DOCK10: variants seen among roughly 807,000 people sequenced by gnomAD.
DOCK10 encodes the protein dedicator of cytokinesis protein 10.
A neutral mutation model predicts 280.1 loss-of-function variants in DOCK10; 145 were observed. The ratio of observed to expected loss-of-function variants is 0.52; its 90% CI spans 0.45 to 0.59. DOCK10 has a LOEUF of 0.59. DOCK10 is among the 20% of genes least tolerant of loss of function. The probability of loss-of-function intolerance (pLI) is 0.00; values close to 1 mark genes in which losing one functional copy is unlikely to be tolerated. For missense variants in DOCK10, 2,368 were observed against 2,651.7 expected, an observed-to-expected ratio of 0.89 and a Z score of 2.35; for synonymous variants, 915 against 942.2, an observed-to-expected ratio of 0.97 and a Z score of 0.53.
At chr2:224,798,049 G>T (rs1036737332) in intron 41 of DOCK10, 80 bp from the exon 42 acceptor site, 1 of 1,416,306 alleles carries the variant, frequency 7.1e-7, no homozygotes, top group Non-Finnish European at 9.7e-7. Flanking sequence ...TTGTGAACCT[G>T]TCATGTGGTA....
intron 50 of DOCK10, among the ~76,000 whole-genome samples, chr2:224,782,169 T>C (rs1691391597): frequency 6.6e-6 from 1 of 152,106 alleles, no homozygotes; most frequent in African/African-American, 2.4e-5. Context: ...TTCCTATAGG[T>C]GGAGAGCTAT....
chr2:224,796,089 T>A, intron 44 of DOCK10, among the ~76,000 whole-genome samples: 1 of 151,858 alleles, frequency 6.6e-6, no homozygotes, highest in East Asian at 1.9e-4. Context: ...GACAAGGTCT[T>A]GCTCTGTTAC....
At chr2:224,771,248 G>A (rs2124954801) in intron 53 of DOCK10, among the ~76,000 whole-genome samples, 1 of 152,248 alleles carries the variant, frequency 6.6e-6, no homozygotes, top group East Asian at 1.9e-4. Context: ...CACGGAATCT[G>A]CTGTTTTCTT....
intron 19 of DOCK10, among the ~76,000 whole-genome samples, chr2:224,847,092 T>TTCTGAATGCAACCAAAACA (rs1696414200): frequency 1.3e-5 from 2 of 152,216 alleles, no homozygotes; most frequent in Non-Finnish European, 2.9e-5. Flanking sequence ...ATACAAATAA[T>TTCTGAATGCAACCAAAACA]GCTTCTGAAT....
At chr2:224,918,878 ATATG>A (rs1394386721) in intron 2 of DOCK10, among the ~76,000 whole-genome samples, 2 of 120,862 alleles carry the variant, frequency 1.7e-5, no homozygotes, top group South Asian at 2.9e-4. Flanking sequence ...GAGTGTGTGT[ATATG>A]TATGTGTGGT....
At chr2:225,016,678 C>T (rs1390738924) in intron 1 of DOCK10, among the ~76,000 whole-genome samples, 3 of 117,132 alleles carry the variant, frequency 2.6e-5, no homozygotes, top group African/African-American at 6.2e-5. Flanking sequence ...TATCTATGTG[C>T]ACATAGATAT....
intron 28 of DOCK10, among the ~76,000 whole-genome samples, chr2:224,820,039 TC>T (rs2125318269): frequency 6.6e-6 from 1 of 152,330 alleles, no homozygotes; most frequent in Non-Finnish European, 1.5e-5. Context: ...GTAAATCTTC[TC>T]CTGTACACAC....
intron 1 of DOCK10, among the ~76,000 whole-genome samples, chr2:224,951,550 A>C (rs1703728562): frequency 6.6e-6 from 1 of 152,234 alleles, no homozygotes; most frequent in South Asian, 2.1e-4. Context: ...TGGGAATTTG[A>C]ATGCTAAAAT....
chr2:224,814,209 G>T, intron 31 of DOCK10, 111 bp downstream of exon 31: 1 of 504,650 alleles, frequency 2.0e-6, no homozygotes, highest in Non-Finnish European at 3.2e-6. Context: ...TTTATCATAT[G>T]ATATTAAATA....
At position 224,849,531 on chromosome 2, in the gene DOCK10, A is replaced by G. The variant is rs1279268695; in HGVS notation, c.2211T>C (p.Ser737=). Residue 737 remains serine (S), a synonymous_variant, in exon 19 of 56, where the codon TCT becomes TCC. Transcript: ENST00000258390. ...CCTCATCTGAGAAATCCGGATTCTGAGAGTGGTGCAGAACTGCTGTGTAGG... is the reference window on the plus strand; with the variant it reads ...CCTCATCTGAGAAATCCGGATTCTGGGAGTGGTGCAGAACTGCTGTGTAGG... The part of the protein sequence containing the change: ...SAAYTAVLHH[S]QNPDFSDEVK... 2 of 1,612,092 alleles carry G rather than the reference A, an allele frequency of 1.2e-6. No homozygotes were observed. The highest frequency in any genetic ancestry group is 2.2e-5 in the East Asian group (1 of 44,840).
chr2:224,911,533 G>T (rs553720074), intron 3 of DOCK10, among the ~76,000 whole-genome samples: 15 of 152,294 alleles, frequency 9.8e-5, no homozygotes, highest in Non-Finnish European at 1.9e-4. Context: ...GAGATTGGGG[G>T]TGAAGGTTCT....
At chr2:224,895,841 G>GTATA (rs71410338) in intron 4 of DOCK10, among the ~76,000 whole-genome samples, 1,366 of 136,106 alleles carry the variant, frequency 0.01, 19 homozygotes, top group East Asian at 0.062. Context: ...GCGTGTGTGT[G>GTATA]TATATATATA....
At chr2:224,835,981 G>A (rs1417343717) in intron 25 of DOCK10, among the ~76,000 whole-genome samples, 7 of 152,182 alleles carry the variant, frequency 4.6e-5, no homozygotes, top group African/African-American at 1.4e-4. Context: ...CTCCAGGAGC[G>A]TCACCGGTAG....
intron 11 of DOCK10, among the ~76,000 whole-genome samples, chr2:224,870,998 T>C (rs1310452345): frequency 6.6e-6 from 1 of 151,934 alleles, no homozygotes; most frequent in Admixed American, 6.6e-5. Flanking sequence ...AGCTAATTTT[T>C]GTATTTTTTG....
At chr2:224,994,105 T>C (rs926419004) in intron 1 of DOCK10, among the ~76,000 whole-genome samples, 1 of 152,200 alleles carries the variant, frequency 6.6e-6, no homozygotes. Context: ...TTGTAATTCA[T>C]TTAATATATA....
At chr2:224,867,402 C>T (rs769157402) in intron 11 of DOCK10, among the ~76,000 whole-genome samples, 5 of 152,212 alleles carry the variant, frequency 3.3e-5, no homozygotes, top group African/African-American at 4.8e-5. Context: ...AACACACCCA[C>T]GACAGGCTGC....
chr2:224,868,249 G>A (rs1359770846), intron 11 of DOCK10, among the ~76,000 whole-genome samples: 1 of 152,106 alleles, frequency 6.6e-6, no homozygotes, highest in African/African-American at 2.4e-5. Flanking sequence ...AAAGATTCAA[G>A]AAGGAAAGAA....
intron 1 of DOCK10, among the ~76,000 whole-genome samples, chr2:224,967,311 A>C (rs1485824603): frequency 6.6e-6 from 1 of 151,894 alleles, no homozygotes; most frequent in African/African-American, 2.4e-5. Flanking sequence ...TTATCTCCTG[A>C]CCTTGTGATC....
chr2:224,998,109 C>T (rs1706323273), intron 1 of DOCK10, among the ~76,000 whole-genome samples: 1 of 152,188 alleles, frequency 6.6e-6, no homozygotes, highest in Admixed American at 6.5e-5. Flanking sequence ...ATTTCTAGTG[C>T]TACCCTCCTG....
Sources: gnomAD v4.1 joint callset for allele counts (sites outside exome capture counted in the v4.1 genomes callset) on GRCh38, gnomAD v4.1.1 for gene constraint, MANE v1.5 for transcripts, NCBI Gene and HGNC (gene_info 2026-07-23, HGNC 2026-07-21) for gene names.